SRGAP3: variants seen among roughly 807,000 people sequenced by gnomAD.
SRGAP3 encodes the protein SLIT-ROBO Rho GTPase activating protein 3.
Under a neutral mutation model 121.1 loss-of-function variants are expected in SRGAP3, and 39 were observed. That is an observed-to-expected ratio of 0.32 (90% confidence interval 0.25 to 0.42). The LOEUF (loss-of-function observed/expected upper bound fraction) is 0.42, where lower values mean the gene tolerates loss of function less well. SRGAP3 is among the 10% of genes least tolerant of loss of function. SRGAP3 has a pLI of 1.00. For synonymous variants in SRGAP3, 601 were observed against 570.0 expected (o/e 1.05, Z -0.77); for missense variants, 1,213 against 1,470.6 (o/e 0.82, Z 2.86).
At position 9,239,796 on chromosome 3, in the gene SRGAP3, T is replaced by C. The variant is rs1302336665; in HGVS notation, c.67+9089A>G. On this transcript the variant is annotated intron_variant, in intron 1 of 21. Coordinates refer to ENST00000383836, the MANE Select transcript of SRGAP3 (RefSeq NM_014850.4). This position sits in a 1 kb window ranked among gnomAD's most constrained non-coding sequence, Gnocchi z 4.0. ...CACTCAGCTCAACTAGATGTGCATT[T>C]GTTTTACTTCTTTCCCTCTTCAAAC... 6.6e-6 allele frequency among the ~76,000 whole-genome samples: 1 copy of C among 152,252 alleles called. No individual in the cohort carries two copies. Among genetic ancestry groups the C allele is most frequent in the Admixed American group, 6.5e-5 (1 of 15,284 alleles).
chr3:9,114,238 T>G (rs968761004), intron 2 of SRGAP3, among the ~76,000 whole-genome samples: 1 of 152,220 alleles, frequency 6.6e-6, no homozygotes, highest in Admixed American at 6.5e-5. Flanking sequence ...GACTACCTCA[T>G]AGTGGTGCCT....
intron 1 of SRGAP3, among the ~76,000 whole-genome samples, chr3:9,158,853 G>A (rs1371320943): frequency 6.6e-6 from 1 of 152,176 alleles, no homozygotes; most frequent in African/African-American, 2.4e-5. Flanking sequence ...ACTCAGGCAT[G>A]GGAAGGCCTC....
At chr3:9,051,534 A>G (rs1945577333) in intron 9 of SRGAP3, among the ~76,000 whole-genome samples, 1 of 152,188 alleles carries the variant, frequency 6.6e-6, no homozygotes, top group Admixed American at 6.5e-5. Flanking sequence ...GACCTGCCCA[A>G]GATATCCCCT....
intron 1 of SRGAP3, among the ~76,000 whole-genome samples, chr3:9,164,509 C>T (rs1239320975): frequency 1.3e-5 from 2 of 152,116 alleles, no homozygotes; most frequent in East Asian, 1.9e-4. Flanking sequence ...AGGCTGGTCT[C>T]GAACTCCTGA....
chr3:9,356,460 C>T (rs1262237644), intron 1 of SRGAP3, among the ~76,000 whole-genome samples: 1 of 149,744 alleles, frequency 6.7e-6, no homozygotes, highest in Non-Finnish European at 1.5e-5. Flanking sequence ...GAAAGTGCTG[C>T]CTCCCGGGTT....
chr3:9,255,627 C>A (rs573751332), intron 3 of SRGAP3, among the ~76,000 whole-genome samples: 14 of 152,264 alleles, frequency 9.2e-5, no homozygotes, highest in Admixed American at 6.5e-4. Context: ...AGTGGGCTTG[C>A]CCTGGCACTT....
At chr3:9,312,494 C>T (rs1441030839) in intron 3 of SRGAP3, among the ~76,000 whole-genome samples, 16 of 152,296 alleles carry the variant, frequency 1.1e-4, no homozygotes, top group Admixed American at 2.6e-4. Flanking sequence ...CAATGAACAG[C>T]GAATATCTCT....
intron 3 of SRGAP3, among the ~76,000 whole-genome samples, chr3:9,302,907 G>T (rs2125275342): frequency 6.6e-6 from 1 of 152,224 alleles, no homozygotes; most frequent in South Asian, 2.1e-4. Context: ...CCGAAGAATG[G>T]CAACGAAGAT....
chr3:9,147,718 C>T (rs79922094), intron 1 of SRGAP3, among the ~76,000 whole-genome samples: 32 of 152,290 alleles, frequency 2.1e-4, no homozygotes, highest in African/African-American at 6.7e-4. Flanking sequence ...TTTTGCTCTG[C>T]GGGAATTGGA....
rs1369959599 is a variant in SRGAP3 at position 9,249,644 on chromosome 3, A to C, written c.-693T>G. ...TAAGCTCCGGTGAACACAAGGCTGG[A>C]CTGCTCGCCCTGCAGGGCTGGCTGA... On this transcript the variant is annotated 5_prime_UTR_variant, in exon 1 of 22. Transcript: ENST00000383836. 1.3e-5 allele frequency: 3 copies of C among 235,078 alleles called. No homozygotes were observed. The highest frequency in any genetic ancestry group is 6.6e-5 in the African/African-American group (3 of 45,314). The allele number at this position is 235,078 out of a possible 1,614,324, so 14.6% of individuals were successfully genotyped here.
chr3:9,034,317 T>A (rs1944644482), intron 11 of SRGAP3: 2 of 152,196 alleles, frequency 1.3e-5, no homozygotes, highest in African/African-American at 4.8e-5. Flanking sequence ...CAGGCACAGA[T>A]AATGTCCACA....
Position 8,983,975 on chromosome 3 carries a change from C to T in SRGAP3, c.*1544G>A, listed in dbSNP as rs140778715. 404 of 230,594 alleles carry T rather than the reference C, an allele frequency of 1.8e-3. 3 individuals are homozygous for T. Among genetic ancestry groups the T allele is most frequent in the African/African-American group, 8.0e-3 (362 of 45,268 alleles). 14.3% of individuals were successfully genotyped at this position (230,594 alleles called of 1,614,324 possible). ...GGAGAGGGTAAGTAACAGCGGCCCA[C>T]AGGGCACACAGATTTGCCCGTGTGC... On this transcript the variant is annotated 3_prime_UTR_variant, in exon 22 of 22. Transcript: ENST00000383836.
chr3:9,067,789 C>A (rs922121540), intron 4 of SRGAP3, among the ~76,000 whole-genome samples: 3 of 151,874 alleles, frequency 2.0e-5, no homozygotes, highest in Non-Finnish European at 4.4e-5. Flanking sequence ...GCACATGTAT[C>A]CTGGAACTTA....
intron 3 of SRGAP3, among the ~76,000 whole-genome samples, chr3:9,258,778 C>T (rs554295780): frequency 4.8e-4 from 73 of 152,264 alleles, no homozygotes; most frequent in African/African-American, 1.5e-3. Flanking sequence ...GCCCTTTCTC[C>T]GTGATCCCAA....
chr3:9,174,337 C>T (rs1340876947), intron 1 of SRGAP3, among the ~76,000 whole-genome samples: 1 of 152,100 alleles, frequency 6.6e-6, no homozygotes, highest in Non-Finnish European at 1.5e-5. Flanking sequence ...TAAGATGGTA[C>T]ATTTTCTGCT....
At chr3:9,302,389 G>A (rs1436550913) in intron 3 of SRGAP3, among the ~76,000 whole-genome samples, 1 of 152,188 alleles carries the variant, frequency 6.6e-6, no homozygotes, top group Non-Finnish European at 1.5e-5. Context: ...CTAGATAGTG[G>A]AGCTTTGCGA....
At chr3:9,047,729 C>A (rs1184319462) in intron 9 of SRGAP3, among the ~76,000 whole-genome samples, 1 of 152,232 alleles carries the variant, frequency 6.6e-6, no homozygotes. Flanking sequence ...GAACACAAAG[C>A]AAACCAGGGG....
At chr3:9,319,502 A>AC (rs142488981) in intron 3 of SRGAP3, among the ~76,000 whole-genome samples, 1 of 152,056 alleles carries the variant, frequency 6.6e-6, no homozygotes, top group African/African-American at 2.4e-5. Flanking sequence ...GAGGAAAAAA[A>AC]CCAAGAGACG....
intron 14 of SRGAP3, 195 bp from the exon 15 acceptor site, chr3:9,015,926 T>C: frequency 1.6e-6 from 1 of 619,318 alleles, no homozygotes; most frequent in East Asian, 2.8e-5. Flanking sequence ...TGTTTAAATC[T>C]ATAGAAAAGT....
Sources: gnomAD v4.1 joint callset for allele counts (sites outside exome capture counted in the v4.1 genomes callset) on GRCh38, gnomAD v4.1.1 for gene constraint, Gnocchi (gnomAD v3.1) non-coding constraint, MANE v1.5 for transcripts, NCBI Gene and HGNC (gene_info 2026-07-23, HGNC 2026-07-21) for gene names.